YPEL1: variants seen among roughly 807,000 people sequenced by gnomAD.
YPEL1 encodes yippee like 1, also known as protein yippee-like 1.
YPEL1 carries 7 observed loss-of-function variants against 17.3 expected under a neutral mutation model. The ratio of observed to expected loss-of-function variants is 0.40; its 90% CI spans 0.23 to 0.76. YPEL1 has a LOEUF of 0.76. Ranked by LOEUF, YPEL1 falls within the 30% of genes least tolerant of loss-of-function variation. The pLI is 0.35. For missense variants in YPEL1, 91 were observed against 155.5 expected (o/e 0.59, Z 2.21); for synonymous variants, 59 against 59.6 (o/e 0.99, Z 0.05).
chr22:21,725,045 T>C (rs1248887493), intron 1 of YPEL1, among the ~76,000 whole-genome samples: 39 of 141,490 alleles, frequency 2.8e-4, no homozygotes, highest in Middle Eastern at 4.8e-3. Context: ...GTAGCTGGGA[T>C]TACAGGCATG....
intron 1 of YPEL1, among the ~76,000 whole-genome samples, chr22:21,726,458 G>A (rs1569065809): frequency 6.6e-6 from 1 of 152,104 alleles, no homozygotes; most frequent in African/African-American, 2.4e-5. Flanking sequence ...TCCCACAGGC[G>A]GGTACTCAAT....
intron 1 of YPEL1, among the ~76,000 whole-genome samples, chr22:21,711,716 T>C (rs1034978258): frequency 6.6e-6 from 1 of 152,060 alleles, no homozygotes; most frequent in Non-Finnish European, 1.5e-5. Context: ...GTATACAAAT[T>C]AACTCAAAAT....
At chr22:21,725,106 A>C (rs1007411242) in intron 1 of YPEL1, among the ~76,000 whole-genome samples, 5 of 150,762 alleles carry the variant, frequency 3.3e-5, no homozygotes, top group African/African-American at 1.2e-4. Flanking sequence ...ATGGGCTTTC[A>C]CCATGTTGTC....
chr22:21,734,312 C>T (rs1038257374), intron 1 of YPEL1, among the ~76,000 whole-genome samples: 1 of 152,150 alleles, frequency 6.6e-6, no homozygotes, highest in East Asian at 1.9e-4. Flanking sequence ...AGAATGCACC[C>T]AGGTGTTTTT....
intron 2 of YPEL1, chr22:21,704,154 T>C: frequency 1.4e-6 from 1 of 718,260 alleles, no homozygotes; most frequent in Non-Finnish European, 2.6e-6. Flanking sequence ...GCAAGATCAG[T>C]TTTTAAATGG....
At chr22:21,729,797 C>A (rs2068370450) in intron 1 of YPEL1, among the ~76,000 whole-genome samples, 1 of 152,088 alleles carries the variant, frequency 6.6e-6, no homozygotes, top group Non-Finnish European at 1.5e-5. Context: ...CCTGAAATAA[C>A]AAAATATCAT....
chr22:21,725,283 A>G (rs1462520116), intron 1 of YPEL1, among the ~76,000 whole-genome samples: 2 of 148,564 alleles, frequency 1.3e-5, no homozygotes, highest in African/African-American at 5.0e-5. Context: ...GCAGTGGTGC[A>G]ATCTCGGCTC....
chr22:21,724,565 T>A (rs1601640426), intron 1 of YPEL1, among the ~76,000 whole-genome samples: 1 of 32,320 alleles, frequency 3.1e-5, no homozygotes, highest in African/African-American at 1.1e-4. Context: ...CATTAAAAAA[T>A]TTTTTTCTTT....
At chr22:21,705,840 C>T (rs2148597527) in intron 2 of YPEL1, among the ~76,000 whole-genome samples, 1 of 152,066 alleles carries the variant, frequency 6.6e-6, no homozygotes, top group East Asian at 1.9e-4. Context: ...CTCTAAAAAA[C>T]ATAAATAGGC....
chr22:21,719,972 A>C (rs1261843694), intron 1 of YPEL1, among the ~76,000 whole-genome samples: 1 of 148,960 alleles, frequency 6.7e-6, no homozygotes, highest in African/African-American at 2.5e-5. Context: ...AGATCGCACC[A>C]CTGCACTCCA....
Position 21,700,225 on chromosome 22 carries a change from T to C in YPEL1, c.*904A>G. 6.6e-6 allele frequency: 1 copy of C among 152,480 alleles called. No homozygotes were observed. The allele number at this position is 152,480 out of a possible 1,614,324, so 9.4% of individuals were successfully genotyped here. On this transcript the variant is annotated 3_prime_UTR_variant, in exon 5 of 5. Transcript: ENST00000339468. ...AAAAACAGCGGGGTGGAGGGTGGGC[T>C]ACAATACCTTTTCTCTAAAAAAGGG...
At chr22:21,713,530 T>C (rs2068191592) in intron 1 of YPEL1, among the ~76,000 whole-genome samples, 1 of 152,100 alleles carries the variant, frequency 6.6e-6, no homozygotes, top group South Asian at 2.1e-4. Flanking sequence ...ACAAATATTG[T>C]ATGAGGTACT....
intron 2 of YPEL1, among the ~76,000 whole-genome samples, chr22:21,704,643 G>C (rs2068099160): frequency 7.1e-6 from 1 of 140,498 alleles, no homozygotes; most frequent in African/African-American, 2.7e-5. Context: ...GGCAACAAGA[G>C]TGAAACCCCG....
intron 1 of YPEL1, among the ~76,000 whole-genome samples, chr22:21,714,029 G>C (rs373338868): frequency 5.3e-5 from 8 of 152,206 alleles, no homozygotes; most frequent in South Asian, 2.1e-4. Flanking sequence ...TGCTCCTCCT[G>C]AGATGCACCC....
intron 1 of YPEL1, among the ~76,000 whole-genome samples, chr22:21,711,986 C>T (rs2068170889): frequency 6.6e-6 from 1 of 151,942 alleles, no homozygotes; most frequent in Non-Finnish European, 1.5e-5. Context: ...CCAGCCTGGG[C>T]AACAAAGCAA....
At chr22:21,711,861 C>G (rs2068169617) in intron 1 of YPEL1, among the ~76,000 whole-genome samples, 1 of 152,158 alleles carries the variant, frequency 6.6e-6, no homozygotes, top group South Asian at 2.1e-4. Context: ...GAAAAACAGA[C>G]ACATTAGACT....
chr22:21,718,319 G>T (rs2148608086), intron 1 of YPEL1, among the ~76,000 whole-genome samples: 1 of 151,830 alleles, frequency 6.6e-6, no homozygotes, highest in Non-Finnish European at 1.5e-5. Flanking sequence ...AAAAAAATTA[G>T]TGGGGCGTGG....
intron 2 of YPEL1, 179 bp downstream of exon 2, chr22:21,710,449 G>A (rs1042193694): frequency 3.5e-5 from 22 of 630,356 alleles, no homozygotes; most frequent in Admixed American, 5.3e-5. Flanking sequence ...ATCTGAGATC[G>A]TGGCACAGCC....
chr22:21,714,045 C>A (rs561690215), intron 1 of YPEL1, among the ~76,000 whole-genome samples: 2 of 151,952 alleles, frequency 1.3e-5, no homozygotes. Flanking sequence ...CACCCCCCAC[C>A]GCCCCCCACC....
Sources: gnomAD v4.1 joint callset for allele counts (sites outside exome capture counted in the v4.1 genomes callset) on GRCh38, gnomAD v4.1.1 for gene constraint, MANE v1.5 for transcripts, NCBI Gene and HGNC (gene_info 2026-07-23, HGNC 2026-07-21) for gene names.